The following KITLG variants were observed in gnomAD, a reference collection of about 807,000 sequenced individuals.
The protein encoded by KITLG is KIT ligand.
A neutral mutation model predicts 34.1 loss-of-function variants in KITLG; 13 were observed. The observed-to-expected ratio is 0.38, with a 90% CI of 0.25 to 0.61. KITLG has a LOEUF of 0.61. KITLG is among the 20% of genes least tolerant of loss of function. KITLG has a pLI of 0.60. For missense variants in KITLG, 292 were observed against 318.9 expected (o/e 0.92, Z 0.64); for synonymous variants, 110 against 104.0 (o/e 1.06, Z -0.35).
At chr12:88,512,771 G>C (rs982847702) in intron 6 of KITLG, among the ~76,000 whole-genome samples, 2 of 151,602 alleles carry the variant, frequency 1.3e-5, no homozygotes, top group Non-Finnish European at 3.0e-5. Context: ...AAAATCCTGT[G>C]TACCCAGACT....
At chr12:88,518,971 T>C in intron 3 of KITLG, 104 bp from the exon 4 acceptor site, 2 of 1,018,420 alleles carry the variant, frequency 2.0e-6, no homozygotes, top group Non-Finnish European at 3.0e-6. Flanking sequence ...CAAGTGATTC[T>C]CCTGCCTCAG....
intron 1 of KITLG, among the ~76,000 whole-genome samples, chr12:88,547,423 AT>A (rs1459554775): frequency 6.6e-6 from 1 of 152,178 alleles, no homozygotes; most frequent in Non-Finnish European, 1.5e-5. Context: ...TACTTCTAGC[AT>A]TGTGGGGTCA....
At chr12:88,522,196 A>G (rs1284121811) in intron 3 of KITLG, among the ~76,000 whole-genome samples, 2 of 152,206 alleles carry the variant, frequency 1.3e-5, no homozygotes, top group Non-Finnish European at 2.9e-5. Context: ...AATTTTTAAA[A>G]GGTAATATAT....
chr12:88,524,594 A>AT (rs968912791), intron 3 of KITLG, among the ~76,000 whole-genome samples: 88 of 148,594 alleles, frequency 5.9e-4, no homozygotes, highest in Non-Finnish European at 7.8e-4. Flanking sequence ...GTTTTTATTT[A>AT]TTTTTTTTTT....
intron 1 of KITLG, among the ~76,000 whole-genome samples, chr12:88,553,151 C>T (rs924340702): frequency 5.9e-5 from 9 of 152,202 alleles, no homozygotes; most frequent in Non-Finnish European, 1.2e-4. Flanking sequence ...TGAGTTCACA[C>T]ACCTTTTTCA....
At chr12:88,507,692 G>A (rs567666773) in intron 6 of KITLG, among the ~76,000 whole-genome samples, 4 of 152,132 alleles carry the variant, frequency 2.6e-5, no homozygotes, top group South Asian at 2.1e-4. Context: ...CACATTTGTC[G>A]GATGCCACTG....
In KITLG at chr12:88,559,881, C is replaced by T. The variant is rs537744805; in HGVS notation, c.16-14016G>A. Among the ~76,000 whole-genome samples, 14 of 152,274 alleles carry T rather than the reference C, an allele frequency of 9.2e-5. No individual in the cohort carries two copies. The South Asian group carries it at 2.7e-3, about 29-fold the overall frequency. ...CAGATTCATTGACATGCCTGAGACA[C>T]ATTTCTCTGGTAACAATACTCTACA... On this transcript the variant is annotated intron_variant, in intron 1 of 9. Coordinates refer to ENST00000644744, the MANE Select transcript of KITLG (RefSeq NM_000899.5).
chr12:88,513,171 C>A (rs932825285), intron 6 of KITLG, among the ~76,000 whole-genome samples: 2 of 151,638 alleles, frequency 1.3e-5, no homozygotes, highest in African/African-American at 2.4e-5. Context: ...TACCCTGTTT[C>A]AAGGTTCTTG....
intron 6 of KITLG, among the ~76,000 whole-genome samples, chr12:88,508,710 C>T (rs1402339960): frequency 1.3e-5 from 2 of 152,064 alleles, no homozygotes; most frequent in African/African-American, 4.8e-5. Context: ...CCTCCTGGCC[C>T]ACCCCACATC....
At chr12:88,537,088 G>T (rs1419643861) in intron 2 of KITLG, among the ~76,000 whole-genome samples, 1 of 152,106 alleles carries the variant, frequency 6.6e-6, no homozygotes, top group East Asian at 1.9e-4. Context: ...ATTTCTCAAA[G>T]AATTCAGAAC....
intron 1 of KITLG, chr12:88,546,156 A>G: frequency 4.3e-6 from 2 of 466,240 alleles, no homozygotes; most frequent in South Asian, 3.7e-5. Context: ...GCAGCATGTT[A>G]AAGACTTAGC....
At chr12:88,520,236 T>C (rs1869608501) in intron 3 of KITLG, among the ~76,000 whole-genome samples, 2 of 152,190 alleles carry the variant, frequency 1.3e-5, no homozygotes, top group Admixed American at 6.5e-5. Flanking sequence ...GTTAAATCAG[T>C]GCTTACTTCA....
intron 1 of KITLG, among the ~76,000 whole-genome samples, chr12:88,576,378 C>T (rs1871823560): frequency 6.6e-6 from 1 of 152,098 alleles, no homozygotes; most frequent in Non-Finnish European, 1.5e-5. Context: ...GTGCTTGGTT[C>T]ATTAGGCATA....
chr12:88,528,033 T>C (rs1331214724), intron 3 of KITLG, among the ~76,000 whole-genome samples: 1 of 152,182 alleles, frequency 6.6e-6, no homozygotes, highest in Non-Finnish European at 1.5e-5. Context: ...GCAGCACAAA[T>C]TTGTTATTTT....
chr12:88,559,049 G>A (rs1415807723), intron 1 of KITLG, among the ~76,000 whole-genome samples: 1 of 152,064 alleles, frequency 6.6e-6, no homozygotes, highest in African/African-American at 2.4e-5. Context: ...AACACCCCCT[G>A]TTCCCCAATA....
At chr12:88,574,303 A>G (rs201779424) in intron 1 of KITLG, among the ~76,000 whole-genome samples, 1 of 146,572 alleles carries the variant, frequency 6.8e-6, no homozygotes, top group African/African-American at 2.5e-5. Flanking sequence ...AAAAAAAAAA[A>G]GAAAAAAAGA....
At chr12:88,529,081 T>C (rs1869983717) in intron 3 of KITLG, among the ~76,000 whole-genome samples, 1 of 152,174 alleles carries the variant, frequency 6.6e-6, no homozygotes, top group Admixed American at 6.6e-5. Context: ...TTACACACTG[T>C]ATGGTTGCAT....
intron 1 of KITLG, among the ~76,000 whole-genome samples, chr12:88,562,519 C>T (rs892397131): frequency 1.3e-5 from 2 of 152,118 alleles, no homozygotes; most frequent in African/African-American, 2.4e-5. Context: ...AGAAGCCCCT[C>T]GTAAATATAT....
chr12:88,505,070 G>GT lies in KITLG; in HGVS notation c.*37+88dup, dbSNP rs561255474. The GT allele has an allele frequency of 2.3e-4, 154 of 674,142 alleles. 4 individuals carry two copies. The South Asian group carries it at 2.5e-3, about 11-fold the overall frequency. The allele number at this position is 674,142 out of a possible 1,614,324, so 41.8% of individuals were successfully genotyped here. ...ACCAACATGGCACATGTAAACATAC[G>GT]TAACAAACCTGCACATTGTGCACAT... On this transcript the variant is annotated intron_variant, in intron 9 of 9. Coordinates refer to ENST00000644744, the MANE Select transcript of KITLG (RefSeq NM_000899.5).
Sources: allele counts gnomAD v4.1 joint callset (sites outside exome capture counted in the v4.1 genomes callset), GRCh38; gene constraint gnomAD v4.1.1; transcripts MANE v1.5; gene names NCBI Gene and HGNC (gene_info 2026-07-23, HGNC 2026-07-21).